SH3BGRL2: variants seen among roughly 807,000 people sequenced by gnomAD.
SH3BGRL2 encodes SH3 domain binding glutamate rich protein like 2.
In SH3BGRL2, 21 loss-of-function variants were observed where a neutral mutation model predicts 14.8. That is an observed-to-expected ratio of 1.42 (90% confidence interval 1.01 to 2.05). SH3BGRL2 has a LOEUF of 2.05. Among genes scored for constraint, SH3BGRL2 ranks in the 30% most tolerant of loss-of-function variants. The pLI is 0.00. For synonymous variants in SH3BGRL2, 50 were observed against 47.8 expected (o/e 1.05, Z -0.19); for missense variants, 147 against 130.8 (o/e 1.12, Z -0.61).
chr6:79,700,686 T>G lies in SH3BGRL2; in HGVS notation c.*1177T>G, dbSNP rs1224493901. On this transcript the variant is annotated 3_prime_UTR_variant, in exon 4 of 4. Coordinates refer to ENST00000369838, the MANE Select transcript of SH3BGRL2 (RefSeq NM_031469.4). Reference sequence around the variant, plus strand: ...GAAAGAGAGTAACCCGGAATTGTACTTGTCAAGCAAAATCTATACTCCTAT... The same window carrying G: ...GAAAGAGAGTAACCCGGAATTGTACGTGTCAAGCAAAATCTATACTCCTAT... 2.6e-5 allele frequency: 4 copies of G among 152,216 alleles called. No individual in the cohort carries two copies. The highest frequency in any genetic ancestry group is 4.4e-5 in the Non-Finnish European group (3 of 68,036). The allele number at this position is 152,216 out of a possible 1,614,324, so 9.4% of individuals were successfully genotyped here.
At chr6:79,651,278 A>G (rs981452062) in intron 1 of SH3BGRL2, among the ~76,000 whole-genome samples, 2 of 152,188 alleles carry the variant, frequency 1.3e-5, no homozygotes, top group African/African-American at 2.4e-5. Context: ...TCTTCTACAA[A>G]GTATCCTCTA....
At chr6:79,582,773 A>T in the SH3BGRL2 span, among the ~76,000 whole-genome samples, 2 of 152,246 alleles carry the variant, frequency 1.3e-5, no homozygotes, top group African/African-American at 2.4e-5. Flanking sequence ...ACAAAAGCCA[A>T]AATAGACAAA....
At chr6:79,541,554 C>T in the SH3BGRL2 span, among the ~76,000 whole-genome samples, 2 of 152,176 alleles carry the variant, frequency 1.3e-5, no homozygotes, top group Non-Finnish European at 2.9e-5. Flanking sequence ...ATTCTATTTA[C>T]CTCACAACCC....
chr6:79,665,829 A>C (rs1286922986), intron 1 of SH3BGRL2, among the ~76,000 whole-genome samples: 1 of 152,228 alleles, frequency 6.6e-6, no homozygotes, highest in Non-Finnish European at 1.5e-5. Context: ...TCTTTCTGAC[A>C]GGGATTCTGT....
chr6:79,697,167 TTAAG>T (rs1386875465), intron 3 of SH3BGRL2, among the ~76,000 whole-genome samples: 1 of 152,222 alleles, frequency 6.6e-6, no homozygotes, highest in African/African-American at 2.4e-5. Flanking sequence ...CATTTCTTTA[TTAAG>T]TAAGGTACTA....
chr6:79,637,173 A>G (rs1030469217), intron 1 of SH3BGRL2, among the ~76,000 whole-genome samples: 1 of 152,198 alleles, frequency 6.6e-6, no homozygotes, highest in Non-Finnish European at 1.5e-5. Flanking sequence ...TAATATCCCA[A>G]GTGAAGATCT....
At chr6:79,654,716 C>T (rs1042240606) in intron 1 of SH3BGRL2, among the ~76,000 whole-genome samples, 4 of 152,166 alleles carry the variant, frequency 2.6e-5, no homozygotes, top group South Asian at 2.1e-4. Context: ...CTTTGTCTTC[C>T]TCTTAGAGAA....
chr6:79,693,415 A>C (rs1770266780), intron 2 of SH3BGRL2, among the ~76,000 whole-genome samples: 1 of 151,370 alleles, frequency 6.6e-6, no homozygotes, highest in African/African-American at 2.4e-5. Context: ...GTGGTGAGAG[A>C]GGGCATCCCT....
At chr6:79,618,776 A>G in the SH3BGRL2 span, among the ~76,000 whole-genome samples, 3 of 151,428 alleles carry the variant, frequency 2.0e-5, no homozygotes, top group Non-Finnish European at 4.4e-5. Flanking sequence ...AAAATTAGCC[A>G]TGCGTGGTGG....
intron 1 of SH3BGRL2, among the ~76,000 whole-genome samples, chr6:79,640,838 T>C (rs2127723779): frequency 6.6e-6 from 1 of 152,318 alleles, no homozygotes. Context: ...GAAATGACTT[T>C]TTGTCATCTT....
At chr6:79,560,370 A>C in the SH3BGRL2 span, among the ~76,000 whole-genome samples, 1 of 152,220 alleles carries the variant, frequency 6.6e-6, no homozygotes, top group Non-Finnish European at 1.5e-5. Flanking sequence ...TAGTAGCATC[A>C]GACTGAATAA....
chr6:79,566,127 C>G, the SH3BGRL2 span, among the ~76,000 whole-genome samples: 1 of 152,160 alleles, frequency 6.6e-6, no homozygotes, highest in Non-Finnish European at 1.5e-5. Context: ...AAGCTGAGAG[C>G]TTGCTTCTTT....
the SH3BGRL2 span, among the ~76,000 whole-genome samples, chr6:79,583,413 A>T: frequency 6.6e-6 from 1 of 152,252 alleles, no homozygotes; most frequent in Non-Finnish European, 1.5e-5. Flanking sequence ...CTGGATAAAG[A>T]AAATGTGGCA....
At chr6:79,548,394 A>G in the SH3BGRL2 span, among the ~76,000 whole-genome samples, 1 of 152,178 alleles carries the variant, frequency 6.6e-6, no homozygotes, top group South Asian at 2.1e-4. Context: ...TTAAACATCG[A>G]CTGATCTTTG....
chr6:79,613,675 G>A, the SH3BGRL2 span, among the ~76,000 whole-genome samples: 9 of 151,688 alleles, frequency 5.9e-5, no homozygotes, highest in South Asian at 8.3e-4. Flanking sequence ...CAGTGCATTC[G>A]GCTCACTGCA....
the SH3BGRL2 span, among the ~76,000 whole-genome samples, chr6:79,575,749 G>C: frequency 1.7e-3 from 253 of 151,688 alleles, 1 homozygote; most frequent in African/African-American, 5.9e-3. Context: ...TCAACCCTTA[G>C]TTTCAGAAAA....
At chr6:79,546,113 G>T in the SH3BGRL2 span, among the ~76,000 whole-genome samples, 1 of 152,196 alleles carries the variant, frequency 6.6e-6, no homozygotes, top group Non-Finnish European at 1.5e-5. Flanking sequence ...AATTTCACGT[G>T]TCTTGGTCTA....
intron 1 of SH3BGRL2, among the ~76,000 whole-genome samples, chr6:79,672,647 C>G (rs1345083633): frequency 6.6e-6 from 1 of 152,124 alleles, no homozygotes; most frequent in Non-Finnish European, 1.5e-5. Flanking sequence ...GGGTTTGGCA[C>G]TATCTGTCAT....
chr6:79,596,832 A>C, the SH3BGRL2 span, among the ~76,000 whole-genome samples: 1 of 152,208 alleles, frequency 6.6e-6, no homozygotes, highest in African/African-American at 2.4e-5. Flanking sequence ...AATCTTGTAA[A>C]AGAAGATTCC....
Sources: allele counts gnomAD v4.1 joint callset (sites outside exome capture counted in the v4.1 genomes callset), GRCh38; gene constraint gnomAD v4.1.1; transcripts MANE v1.5; gene names NCBI Gene and HGNC (gene_info 2026-07-23, HGNC 2026-07-21).